Variants in ZFPM2 observed in about 807,000 individuals in gnomAD.
ZFPM2 encodes the protein zinc finger protein, FOG family member 2.
Under a neutral mutation model 98.6 loss-of-function variants are expected in ZFPM2, and 20 were observed. That is an observed-to-expected ratio of 0.20 (90% CI 0.14 to 0.29). The LOEUF (loss-of-function observed/expected upper bound fraction) is 0.29, where lower values mean the gene tolerates loss of function less well. ZFPM2 is among the 10% of genes least tolerant of loss of function. The pLI, the probability that ZFPM2 is intolerant of heterozygous loss-of-function variation, is 1.00. For missense variants in ZFPM2, 1,310 were observed against 1,388.6 expected, an observed-to-expected ratio of 0.94 and a Z score of 0.90; for synonymous variants, 518 against 502.7, an observed-to-expected ratio of 1.03 and a Z score of -0.41.
chr8:105,769,335 C>A (rs190681605), intron 5 of ZFPM2, among the ~76,000 whole-genome samples: 1 of 152,058 alleles, frequency 6.6e-6, no homozygotes, highest in Non-Finnish European at 1.5e-5. Context: ...TTTTATCCAC[C>A]GTTTTCCTTT....
intron 3 of ZFPM2, among the ~76,000 whole-genome samples, chr8:105,517,044 G>T (rs1209895593): frequency 1.3e-5 from 2 of 152,254 alleles, no homozygotes; most frequent in Middle Eastern, 3.4e-3. Flanking sequence ...CTTACTTGTT[G>T]ACTTTTTTCC....
At position 105,318,805 on chromosome 8, in the gene ZFPM2, G is replaced by C; in HGVS notation, c.-137G>C. 1 of 300,942 alleles carries C rather than the reference G, an allele frequency of 3.3e-6. No homozygotes were observed. The highest frequency in any genetic ancestry group is 4.9e-6 in the Non-Finnish European group (1 of 205,486). 18.6% of individuals were successfully genotyped at this position (300,942 alleles called of 1,614,324 possible). On this transcript the variant is annotated 5_prime_UTR_variant, in exon 1 of 8. Coordinates refer to ENST00000407775, the MANE Select transcript of ZFPM2 (RefSeq NM_012082.4). ...GGCTCCCGGAGGAGCCCAGCGCCCG[G>C]AGCACCTGGAGTCCGGCCGGCGGCG...
At chr8:105,781,755 C>T in intron 5 of ZFPM2, among the ~76,000 whole-genome samples, 1 of 152,084 alleles carries the variant, frequency 6.6e-6, no homozygotes, top group East Asian at 1.9e-4. Flanking sequence ...GAGTCACTTC[C>T]ACATCACACA....
chr8:105,775,167 G>C (rs1043057485), intron 5 of ZFPM2, among the ~76,000 whole-genome samples: 1 of 151,888 alleles, frequency 6.6e-6, no homozygotes, highest in Admixed American at 6.6e-5. Context: ...CTTGGTGCTT[G>C]GGGGGTTTTC....
intron 3 of ZFPM2, among the ~76,000 whole-genome samples, chr8:105,497,327 G>A (rs1281293568): frequency 1.3e-5 from 2 of 152,066 alleles, no homozygotes; most frequent in East Asian, 3.9e-4. Flanking sequence ...CTAATCCTTA[G>A]TTGTAATCCA....
intron 5 of ZFPM2, among the ~76,000 whole-genome samples, chr8:105,755,541 T>C (rs528033574): frequency 6.6e-6 from 1 of 152,284 alleles, no homozygotes; most frequent in Admixed American, 6.5e-5. Flanking sequence ...AAAAGTGTTA[T>C]TTTAATGACT....
At chr8:105,429,701 CAAA>C (rs376633755) in intron 2 of ZFPM2, among the ~76,000 whole-genome samples, 1 of 128,444 alleles carries the variant, frequency 7.8e-6, no homozygotes, top group Non-Finnish European at 1.7e-5. Context: ...AAAGTGATAC[CAAA>C]AAAAAAAAAA....
chr8:105,693,565 A>G (rs1810941928), intron 5 of ZFPM2, among the ~76,000 whole-genome samples: 1 of 152,238 alleles, frequency 6.6e-6, no homozygotes, highest in Non-Finnish European at 1.5e-5. Flanking sequence ...GCACATATCC[A>G]GATAAAATAT....
Position 105,318,537 on chromosome 8 carries a change from C to T in ZFPM2, c.-405C>T, listed in dbSNP as rs1224773303. Among the ~76,000 whole-genome samples, 1 of 150,326 alleles carries T rather than the reference C, an allele frequency of 6.7e-6. No homozygotes were observed. Among genetic ancestry groups the T allele is most frequent in the Non-Finnish European group, 1.5e-5 (1 of 67,530 alleles). On this transcript the variant is annotated 5_prime_UTR_variant, in exon 1 of 8. Transcript: ENST00000407775. ...GAGCGAGCGCGCTCCTCCTCCCGCG[C>T]CCTGCGCCCCCGCGCTCCCCCTCTC...
chr8:105,644,143 T>G (rs1563755363), intron 5 of ZFPM2, among the ~76,000 whole-genome samples: 1 of 152,188 alleles, frequency 6.6e-6, no homozygotes, highest in Non-Finnish European at 1.5e-5. Flanking sequence ...CTTCTGTGGC[T>G]TCTCTTTCCA....
At chr8:105,495,091 G>A (rs1333270587) in intron 3 of ZFPM2, among the ~76,000 whole-genome samples, 1 of 152,186 alleles carries the variant, frequency 6.6e-6, no homozygotes, top group Non-Finnish European at 1.5e-5. Flanking sequence ...CCCACAGGCT[G>A]TAGTTTGCCC....
At chr8:105,517,790 A>G (rs1051364273) in intron 3 of ZFPM2, among the ~76,000 whole-genome samples, 1 of 150,818 alleles carries the variant, frequency 6.6e-6, no homozygotes, top group Non-Finnish European at 1.5e-5. Flanking sequence ...GCTACTTAGG[A>G]GGCTGAGCCT....
intron 5 of ZFPM2, among the ~76,000 whole-genome samples, chr8:105,786,817 G>A (rs1415764418): frequency 6.6e-6 from 1 of 152,086 alleles, no homozygotes; most frequent in Non-Finnish European, 1.5e-5. Flanking sequence ...TTTTGGCTGG[G>A]CATCTTCTCT....
chr8:105,676,669 A>G (rs1315587716), intron 5 of ZFPM2, among the ~76,000 whole-genome samples: 1 of 152,036 alleles, frequency 6.6e-6, no homozygotes, highest in African/African-American at 2.4e-5. Flanking sequence ...GCAATATTTG[A>G]AAATACCAAA....
At chr8:105,798,989 C>A (rs377226849) in intron 7 of ZFPM2, 41 bp downstream of exon 7, 18 of 1,537,142 alleles carry the variant, frequency 1.2e-5, no homozygotes, top group Non-Finnish European at 1.5e-5. Context: ...CCAGAAGACT[C>A]TGTTATTTTT....
At chr8:105,745,773 GT>G (rs1429603065) in intron 5 of ZFPM2, among the ~76,000 whole-genome samples, 4 of 151,948 alleles carry the variant, frequency 2.6e-5, no homozygotes, top group Admixed American at 2.6e-4. Flanking sequence ...AGTTTCTTTC[GT>G]TTTGAGACAG....
At chr8:105,761,381 A>G (rs904381301) in intron 5 of ZFPM2, among the ~76,000 whole-genome samples, 3 of 152,046 alleles carry the variant, frequency 2.0e-5, no homozygotes, top group African/African-American at 4.8e-5. Flanking sequence ...GATGAAAATT[A>G]TCTCTTATTT....
intron 5 of ZFPM2, among the ~76,000 whole-genome samples, chr8:105,700,261 A>T (rs1440451535): frequency 6.6e-6 from 1 of 152,196 alleles, no homozygotes. Context: ...ATCCGTATTC[A>T]GTGAGGAACG....
chr8:105,703,767 A>G (rs1811196914), intron 5 of ZFPM2, among the ~76,000 whole-genome samples: 2 of 152,320 alleles, frequency 1.3e-5, no homozygotes, highest in African/African-American at 2.4e-5. Context: ...ATTTCTTTGC[A>G]TAGGAACACT....
Sources: gnomAD v4.1 joint callset for allele counts (sites outside exome capture counted in the v4.1 genomes callset) on GRCh38, gnomAD v4.1.1 for gene constraint, MANE v1.5 for transcripts, NCBI Gene and HGNC (gene_info 2026-07-23, HGNC 2026-07-21) for gene names.